Variants in UBTD2 observed in about 807,000 individuals in gnomAD.
The protein encoded by UBTD2 is ubiquitin domain containing 2.
A neutral mutation model predicts 19.8 loss-of-function variants in UBTD2; 9 were observed. The observed-to-expected ratio is 0.46, with a 90% CI of 0.27 to 0.79. The LOEUF is 0.79. Among genes scored for constraint, UBTD2 ranks in the 30% least tolerant of loss-of-function variants. The pLI is 0.14. For synonymous variants in UBTD2, 98 were observed against 103.9 expected (o/e 0.94, Z 0.35); for missense variants, 250 against 300.4 (o/e 0.83, Z 1.24).
chr5:172,232,108 C>CA (rs971588175), intron 2 of UBTD2, among the ~76,000 whole-genome samples: 6 of 151,510 alleles, frequency 4.0e-5, no homozygotes, highest in Non-Finnish European at 7.4e-5. Flanking sequence ...CTGTCTCTAC[C>CA]AAAAAAATAC....
chr5:172,264,767 T>C (rs1442734838), intron 1 of UBTD2, among the ~76,000 whole-genome samples: 1 of 150,306 alleles, frequency 6.7e-6, no homozygotes, highest in African/African-American at 2.5e-5. Flanking sequence ...TCCCAGCCAC[T>C]CAGAAGGCTG....
intron 1 of UBTD2, among the ~76,000 whole-genome samples, chr5:172,238,717 A>G (rs1252215116): frequency 6.6e-6 from 1 of 152,244 alleles, no homozygotes; most frequent in Non-Finnish European, 1.5e-5. Flanking sequence ...ACATTGGTAA[A>G]AAACAATCAA....
chr5:172,261,168 T>G (rs1755263254), intron 1 of UBTD2, among the ~76,000 whole-genome samples: 1 of 152,220 alleles, frequency 6.6e-6, no homozygotes, highest in East Asian at 1.9e-4. Flanking sequence ...AGAATGTCTC[T>G]GCTCCCTTTA....
At chr5:172,252,846 T>A (rs1755057477) in intron 1 of UBTD2, among the ~76,000 whole-genome samples, 2 of 152,168 alleles carry the variant, frequency 1.3e-5, no homozygotes, top group Non-Finnish European at 2.9e-5. Context: ...AACATATTGG[T>A]ATTTTGGCTT....
Position 172,211,695 on chromosome 5 carries a change from G to C in UBTD2, c.*135C>G. ...CCATCACAGATGGAATTTTTCACTG[G>C]TAATTCCTCAGAACTAAATCCATTC... On this transcript the variant is annotated 3_prime_UTR_variant, in exon 3 of 3. Coordinates refer to ENST00000393792, the MANE Select transcript of UBTD2 (RefSeq NM_152277.3). 4 of 956,018 alleles carry C rather than the reference G, an allele frequency of 4.2e-6. No homozygotes were observed. The highest frequency in any genetic ancestry group is 5.7e-6 in the Non-Finnish European group (4 of 702,406). The allele number at this position is 956,018 out of a possible 1,614,324, so 59.2% of individuals were successfully genotyped here.
intron 2 of UBTD2, among the ~76,000 whole-genome samples, chr5:172,222,105 GAATTA>G (rs1357006790): frequency 2.6e-5 from 4 of 152,178 alleles, no homozygotes; most frequent in African/African-American, 9.7e-5. Flanking sequence ...CGCTCTTCCT[GAATTA>G]AATATCTGGG....
chr5:172,245,055 A>G (rs1754848940), intron 1 of UBTD2, among the ~76,000 whole-genome samples: 1 of 152,180 alleles, frequency 6.6e-6, no homozygotes, highest in African/African-American at 2.4e-5. Flanking sequence ...AAAAGTTCCT[A>G]GCAATAGTAG....
chr5:172,212,239 G>GA lies in UBTD2; in HGVS notation c.308-13dup. On this transcript the variant is annotated splice_polypyrimidine_tract_variant and intron_variant, in intron 2 of 2. Coordinates refer to ENST00000393792, the MANE Select transcript of UBTD2 (RefSeq NM_152277.3). ...CTCTGTAAGTGCACCTTCAGAAAGAGAAGATATGAATAAGAACTTAATCCT... is the reference window on the plus strand; with the variant it reads ...CTCTGTAAGTGCACCTTCAGAAAGAGAAAGATATGAATAAGAACTTAATCCT... The GA allele has an allele frequency of 6.4e-7, 1 of 1,572,678 alleles. No homozygotes were observed. The highest frequency in any genetic ancestry group is 8.6e-7 in the Non-Finnish European group (1 of 1,157,570).
intron 1 of UBTD2, among the ~76,000 whole-genome samples, chr5:172,234,798 C>T (rs1771974175): frequency 6.6e-6 from 1 of 152,164 alleles, no homozygotes; most frequent in African/African-American, 2.4e-5. Context: ...GTCCCAGCTA[C>T]TTGGGAGGCT....
At chr5:172,249,389 A>G (rs1446836131) in intron 1 of UBTD2, among the ~76,000 whole-genome samples, 1 of 133,582 alleles carries the variant, frequency 7.5e-6, no homozygotes, top group East Asian at 2.3e-4. Context: ...ACAGAGCAAG[A>G]CTCCGTCTCA....
At chr5:172,253,843 T>C (rs989015885) in intron 1 of UBTD2, among the ~76,000 whole-genome samples, 3 of 152,196 alleles carry the variant, frequency 2.0e-5, no homozygotes, top group Non-Finnish European at 4.4e-5. Context: ...CAATTGATTA[T>C]GTTAGTTTAC....
At chr5:172,219,653 A>G (rs1771613806) in intron 2 of UBTD2, among the ~76,000 whole-genome samples, 2 of 152,246 alleles carry the variant, frequency 1.3e-5, no homozygotes, top group African/African-American at 4.8e-5. Flanking sequence ...GAGGTTCTCA[A>G]ATAAATAAAG....
At chr5:172,221,724 C>T (rs954240731) in intron 2 of UBTD2, among the ~76,000 whole-genome samples, 2 of 152,052 alleles carry the variant, frequency 1.3e-5, no homozygotes, top group Admixed American at 1.3e-4. Context: ...AGGTAGAACA[C>T]AGAGGATTTT....
intron 2 of UBTD2, among the ~76,000 whole-genome samples, chr5:172,230,860 T>G (rs1433503490): frequency 1.3e-5 from 2 of 151,710 alleles, no homozygotes; most frequent in Admixed American, 6.6e-5. Context: ...CTTGGCTCAC[T>G]GCAAGCTCCG....
intron 1 of UBTD2, among the ~76,000 whole-genome samples, chr5:172,263,804 C>A (rs1420442122): frequency 6.7e-6 from 1 of 149,578 alleles, no homozygotes; most frequent in Non-Finnish European, 1.5e-5. Flanking sequence ...AAAAAAACCA[C>A]AAAATCTTAA....
At chr5:172,273,265 C>T (rs1300500076) in intron 1 of UBTD2, among the ~76,000 whole-genome samples, 2 of 148,492 alleles carry the variant, frequency 1.3e-5, no homozygotes, top group South Asian at 2.2e-4. Context: ...TGAAAACATC[C>T]TCAAATAATG....
At chr5:172,237,889 GTCTT>G (rs1009082370) in intron 1 of UBTD2, among the ~76,000 whole-genome samples, 4 of 152,214 alleles carry the variant, frequency 2.6e-5, no homozygotes, top group Non-Finnish European at 5.9e-5. Flanking sequence ...TATACAGGCT[GTCTT>G]TCTTCTTTTC....
intron 2 of UBTD2, among the ~76,000 whole-genome samples, chr5:172,230,743 G>A (rs1052749509): frequency 4.0e-5 from 6 of 151,256 alleles, no homozygotes; most frequent in Non-Finnish European, 8.8e-5. Context: ...TTAAGGGGTA[G>A]TACAACACAA....
chr5:172,283,767 G>GCGCGC, upstream of UBTD2: 2 of 829,914 alleles, frequency 2.4e-6, no homozygotes, highest in Non-Finnish European at 3.0e-6. The surrounding 1 kb of genome is among the most constrained non-coding windows in gnomAD (Gnocchi z 4.3). Context: ...CTCCGGACAG[G>GCGCGC]CGCGCCGCTC....
Sources: gnomAD v4.1 joint callset for allele counts (sites outside exome capture counted in the v4.1 genomes callset) on GRCh38, gnomAD v4.1.1 for gene constraint, Gnocchi (gnomAD v3.1) non-coding constraint, MANE v1.5 for transcripts, NCBI Gene and HGNC (gene_info 2026-07-23, HGNC 2026-07-21) for gene names.